MYOM1: variants seen among roughly 807,000 people sequenced by gnomAD.
MYOM1 encodes the protein myomesin-1.
A neutral mutation model predicts 205.3 loss-of-function variants in MYOM1; 164 were observed. The ratio of observed to expected loss-of-function variants is 0.80; its 90% CI spans 0.70 to 0.91. The LOEUF (loss-of-function observed/expected upper bound fraction) is 0.91. MYOM1 is among the 40% of genes least tolerant of loss of function. MYOM1 has a pLI of 0.00. For missense variants in MYOM1, 2,011 were observed against 2,127.3 expected (o/e 0.95, Z 1.08); for synonymous variants, 772 against 789.4 (o/e 0.98, Z 0.37).
Position 3,076,851 on chromosome 18 carries a change from C to T in MYOM1, c.4649-1090G>A, listed in dbSNP as rs1216107965. On this transcript the variant is annotated intron_variant, in intron 34 of 37. Transcript: ENST00000356443. Reference sequence around the variant, plus strand: ...GCCTCAGCCTCCTGAGTAGCTGGGACTTCAGGCACCCACCACCATGACCAG... The same window carrying T: ...GCCTCAGCCTCCTGAGTAGCTGGGATTTCAGGCACCCACCACCATGACCAG... Among the ~76,000 whole-genome samples, 5 of 151,676 alleles carry T rather than the reference C, an allele frequency of 3.3e-5. 1 individual carries two copies. The highest frequency in any genetic ancestry group is 1.2e-4 in the African/African-American group (5 of 41,334).
At chr18:3,150,259 G>A (rs557289017) in intron 12 of MYOM1, among the ~76,000 whole-genome samples, 109 of 152,132 alleles carry the variant, frequency 7.2e-4, no homozygotes, top group African/African-American at 2.5e-3. Flanking sequence ...ACGGGGTTTC[G>A]CCATGTTGGC....
intron 33 of MYOM1, 66 bp downstream of exon 33, chr18:3,083,723 G>C: frequency 7.8e-7 from 1 of 1,274,430 alleles, no homozygotes; most frequent in East Asian, 2.6e-5. Context: ...TGGGATTACA[G>C]GTGTGAGCTG....
At position 3,191,942 on chromosome 18, in the gene MYOM1, C is replaced by T. The variant is rs144181483; in HGVS notation, c.431+1876G>A. Among the ~76,000 whole-genome samples the T allele has an allele frequency of 7.5e-3, 1,138 of 152,172 alleles. 17 individuals carry two copies. The highest frequency in any genetic ancestry group is 0.025 in the African/African-American group (1,042 of 41,500). ...CAATCTCCTGACATTGTGATCTGCC[C>T]GCCTCAGCCTCCCAAAGTGCTGGAA... is the stretch of plus-strand genomic sequence containing the variant. On this transcript the variant is annotated intron_variant, in intron 3 of 37. Transcript: ENST00000356443.
rs769361572 is a variant in MYOM1 at position 3,134,756 on chromosome 18, C to T, written c.2278G>A (p.Glu760Lys). The change falls in exon 16 of 38, where the codon GAG becomes AAG. Residue 760 changes from glutamate (E) to lysine (K), a missense_variant. Physicochemically the swap from Glu to Lys is moderately conservative, Grantham distance 56 (BLOSUM62 1). Coordinates refer to ENST00000356443, the MANE Select transcript of MYOM1 (RefSeq NM_003803.4). ...NTDTSVVVSWEESKDAKELVG... is the reference protein window; with the variant it reads ...NTDTSVVVSWKESKDAKELVG... ...AGCTCTTTGGCATCTTTGGACTCCTCCCACGAAACTACCACTGAGGTGTCT... is the reference window on the plus strand; with the variant it reads ...AGCTCTTTGGCATCTTTGGACTCCTTCCACGAAACTACCACTGAGGTGTCT... The T allele has an allele frequency of 6.2e-7, 1 of 1,613,816 alleles. No homozygotes were observed. The highest frequency in any genetic ancestry group is 2.2e-5 in the East Asian group (1 of 44,888).
At chr18:3,174,390 T>C (rs530841726) in intron 6 of MYOM1, among the ~76,000 whole-genome samples, 182 bp from the exon 7 acceptor site, 27 of 152,246 alleles carry the variant, frequency 1.8e-4, no homozygotes, top group African/African-American at 6.0e-4. Flanking sequence ...TATTACCTAG[T>C]CCAAGTGATC....
At chr18:3,168,739 G>T in intron 9 of MYOM1, 78 bp downstream of exon 9, 2 of 1,474,618 alleles carry the variant, frequency 1.4e-6, no homozygotes, top group Non-Finnish European at 9.3e-7. Context: ...GATTCCACCA[G>T]CTCCGATAAA....
chr18:3,151,758 A>G lies in MYOM1; in HGVS notation c.1779T>C (p.Gly593=), dbSNP rs538016001. The change falls in exon 12 of 38, where the codon GGT becomes GGC. Residue 593 remains glycine, a synonymous_variant. Coordinates refer to ENST00000356443, the MANE Select transcript of MYOM1 (RefSeq NM_003803.4). ...RVRAVNKMGI[G]FPSRVSEPVA... ...CGGGCTCGGAAACTCGAGATGGGAA[A>G]CCTATTCCCATTTTATTCACAGCTC... 29 of 1,613,836 alleles carry G rather than the reference A, an allele frequency of 1.8e-5. No homozygotes were observed. In the South Asian group the frequency reaches 3.2e-4, roughly 18 times the overall value.
At chr18:3,140,018 TG>T (rs1429125372) in intron 14 of MYOM1, among the ~76,000 whole-genome samples, 1 of 152,030 alleles carries the variant, frequency 6.6e-6, no homozygotes, top group Non-Finnish European at 1.5e-5. Flanking sequence ...TCCTGTGGAG[TG>T]TTTCAAAGAG....
chr18:3,072,684 CATA>C (rs2078974414), intron 36 of MYOM1, among the ~76,000 whole-genome samples: 1 of 137,272 alleles, frequency 7.3e-6, no homozygotes, highest in African/African-American at 3.2e-5. Flanking sequence ...TCTTCACCGT[CATA>C]TTGTGTGTGT....
intron 10 of MYOM1, among the ~76,000 whole-genome samples, chr18:3,155,512 T>C (rs141541095): frequency 0.02 from 3,077 of 152,256 alleles, 33 homozygotes; most frequent in African/African-American, 0.037. Context: ...GCGTGAGCCA[T>C]CACACCCGGC....
At position 3,215,097 on chromosome 18, in the gene MYOM1, A is replaced by G. The variant is rs1167741981; in HGVS notation, c.127T>C (p.Ser43Pro). The change falls in exon 2 of 38, where the codon TCC becomes CCC. Residue 43 changes from serine (S) to proline (P), a missense_variant. Physicochemically the swap from Ser to Pro is moderately conservative, Grantham distance 74. Transcript: ENST00000356443. ...KKRSAVYTQG[S>P]TAYSSRSSAA... The stretch of plus-strand genomic sequence containing the variant: ...GAGGAGCGGCTGCTGTAGGCCGTGG[A>G]GCCCTGGGTGTAGACGGCGGAGCGT... The G allele has an allele frequency of 6.2e-7, 1 of 1,613,630 alleles. No homozygotes were observed. Among genetic ancestry groups the G allele is most frequent in the African/African-American group, 1.3e-5 (1 of 74,944 alleles).
chr18:3,082,024 A>G (rs1040572975), intron 33 of MYOM1, among the ~76,000 whole-genome samples: 1 of 152,200 alleles, frequency 6.6e-6, no homozygotes, highest in African/African-American at 2.4e-5. Context: ...ACTCAAGCAC[A>G]TAACATTTAT....
chr18:3,197,748 C>T (rs1359513818), intron 2 of MYOM1, among the ~76,000 whole-genome samples: 1 of 151,858 alleles, frequency 6.6e-6, no homozygotes, highest in Non-Finnish European at 1.5e-5. Context: ...TGGCAGGCGC[C>T]TGTGGTCCCA....
At chr18:3,108,968 A>G (rs2079488152) in intron 22 of MYOM1, among the ~76,000 whole-genome samples, 1 of 148,296 alleles carries the variant, frequency 6.7e-6, no homozygotes, top group Non-Finnish European at 1.5e-5. Context: ...TCCTCCTCAA[A>G]TTTTCCTTTT....
At position 3,193,311 on chromosome 18, in the gene MYOM1, T is replaced by C. The variant is rs1030804466; in HGVS notation, c.431+507A>G. Reference sequence around the variant, plus strand: ...ATATATACATATACATACATATATATATGTATATGTACATATACATATATA... The same window carrying C: ...ATATATACATATACATACATATATACATGTATATGTACATATACATATATA... On this transcript the variant is annotated intron_variant, in intron 3 of 37. Coordinates refer to ENST00000356443, the MANE Select transcript of MYOM1 (RefSeq NM_003803.4). Among the ~76,000 whole-genome samples the C allele has an allele frequency of 5.5e-5, 8 of 145,410 alleles. No individual in the cohort carries two copies. In the South Asian group the frequency reaches 6.4e-4, roughly 12 times the overall value.
At chr18:3,151,223 A>T (rs1319151256) in intron 12 of MYOM1, among the ~76,000 whole-genome samples, 3 of 151,466 alleles carry the variant, frequency 2.0e-5, no homozygotes, top group Admixed American at 2.0e-4. Flanking sequence ...TTTTCCTTTG[A>T]TATAGAGAGA....
At position 3,103,906 on chromosome 18, in the gene MYOM1, T is replaced by C. The variant is rs114723823; in HGVS notation, c.3419-1276A>G. Among the ~76,000 whole-genome samples, 793 of 152,366 alleles carry C rather than the reference T, an allele frequency of 5.2e-3. 10 individuals carry two copies. Among genetic ancestry groups the C allele is most frequent in the African/African-American group, 0.018 (759 of 41,590 alleles). On this transcript the variant is annotated intron_variant, in intron 22 of 37. Transcript: ENST00000356443. ...TCAACTATAAACTTCCAAAAAGTGATTGTTAGCACATGCAAAGCTTAGAGA... is the reference window on the plus strand; with the variant it reads ...TCAACTATAAACTTCCAAAAAGTGACTGTTAGCACATGCAAAGCTTAGAGA...
chr18:3,071,131 G>A (rs1184845773), intron 37 of MYOM1, among the ~76,000 whole-genome samples: 1 of 152,092 alleles, frequency 6.6e-6, no homozygotes, highest in African/African-American at 2.4e-5. Context: ...AAGAAAGAAA[G>A]AAGCCTGTTT....
Position 3,152,828 on chromosome 18 carries a change from G to A in MYOM1, c.1644-935C>T, listed in dbSNP as rs1225346988. On this transcript the variant is annotated intron_variant, in intron 11 of 37. Transcript: ENST00000356443. This position sits in a 1 kb window ranked among gnomAD's most constrained non-coding sequence, Gnocchi z 4.3. Reference sequence around the variant, plus strand: ...CAGGACAGAGGTGGCTGGTGTGGGGGGTGTATCTCCCCTCCTCACAATCAC... The same window carrying A: ...CAGGACAGAGGTGGCTGGTGTGGGGAGTGTATCTCCCCTCCTCACAATCAC... Among the ~76,000 whole-genome samples the A allele has an allele frequency of 1.3e-5, 2 of 151,976 alleles. No homozygotes were observed. Among genetic ancestry groups the A allele is most frequent in the Admixed American group, 6.6e-5 (1 of 15,256 alleles).
Sources: gnomAD v4.1 joint callset for allele counts (sites outside exome capture counted in the v4.1 genomes callset) on GRCh38, gnomAD v4.1.1 for gene constraint, Gnocchi (gnomAD v3.1) non-coding constraint, MANE v1.5 for transcripts, NCBI Gene and HGNC (gene_info 2026-07-23, HGNC 2026-07-21) for gene names.